The following GAK variants were observed in gnomAD, a reference collection of about 807,000 sequenced individuals.
The protein encoded by GAK is cyclin G associated kinase, also known as cyclin-G-associated kinase.
GAK carries 79 observed loss-of-function variants against 143.9 expected under a neutral mutation model. The ratio of observed to expected loss-of-function variants is 0.55; its 90% CI spans 0.46 to 0.66. The LOEUF is 0.66. Ranked by LOEUF, GAK falls within the 30% of genes least tolerant of loss-of-function variation. The pLI is 0.00. For synonymous variants in GAK, 881 were observed against 765.5 expected, an observed-to-expected ratio of 1.15 and a Z score of -2.49; for missense variants, 1,693 against 1,779.7, an observed-to-expected ratio of 0.95 and a Z score of 0.88.
chr4:887,251 C>T (rs1442867988), intron 11 of GAK: 4 of 148,252 alleles, frequency 2.7e-5, no homozygotes, highest in Admixed American at 1.3e-4. Context: ...TGTACACATG[C>T]ACGCGGCTCA....
At chr4:882,241 G>A (rs1715289161) in intron 14 of GAK, among the ~76,000 whole-genome samples, 2 of 152,232 alleles carry the variant, frequency 1.3e-5, no homozygotes, top group Admixed American at 6.5e-5. Flanking sequence ...GTTCCCTAAC[G>A]AAGAACAGGG....
intron 19 of GAK, chr4:868,914 CA>C (rs1238031385): frequency 3.7e-6 from 2 of 545,326 alleles, no homozygotes; most frequent in Non-Finnish European, 6.6e-6. Context: ...AGCACACGCA[CA>C]CATGAACACG....
chr4:850,542 G>A (rs538025950), intron 26 of GAK: 5 of 191,408 alleles, frequency 2.6e-5, no homozygotes, highest in South Asian at 2.7e-4. Flanking sequence ...CCCAGTGAGC[G>A]TCCTGGGTTG....
rs371821627 is a variant in GAK, at chr4:904,210, A to C, written c.525+427T>G. 8.2e-4 allele frequency among the ~76,000 whole-genome samples: 119 copies of C among 144,874 alleles called. 1 individual carries two copies. In the South Asian group the frequency reaches 0.023, roughly 28 times the overall value. On this transcript the variant is annotated intron_variant, in intron 5 of 27. Transcript: ENST00000314167. ...GGCCTTGGCAGCTGCGTGTGGAGGGAGCCACTACCTTGTGGTCCCTGTGGA... is the reference window on the plus strand; with the variant it reads ...GGCCTTGGCAGCTGCGTGTGGAGGGCGCCACTACCTTGTGGTCCCTGTGGA...
In GAK at chr4:883,568, C is replaced by T. The variant is rs193220162; in HGVS notation, c.1256-105G>A. 4.2e-3 allele frequency: 5,587 copies of T among 1,318,172 alleles called. 39 individuals carry two copies. The highest frequency in any genetic ancestry group is 4.1e-3 in the Non-Finnish European group (3,917 of 946,984). 81.7% of individuals were successfully genotyped at this position (1,318,172 alleles called of 1,614,324 possible). On this transcript the variant is annotated intron_variant, in intron 12 of 27. Transcript: ENST00000314167. ...GACGCCCCCGGGCAAGCGCAGCCTC[C>T]GGCAGCTCCACCAGCCACTGCCCAC...
chr4:888,859 T>C lies in GAK; in HGVS notation c.1193A>G (p.Gln398Arg). ...GCCTCACACTCACTTAGCGACGGACTGGATGACCTTGGAGGAGGTGTCCTT... is the reference window on the plus strand; with the variant it reads ...GCCTCACACTCACTTAGCGACGGACCGGATGACCTTGGAGGAGGTGTCCTT... Reference protein sequence around the residue: ...NLKDTSSKVIQSVANYAKGDL... With the variant: ...NLKDTSSKVIRSVANYAKGDL... The change falls in exon 11 of 28, where the codon CAG (glutamine) becomes CGG (arginine). Residue 398 changes from glutamine (Q) to arginine (R), a missense_variant. Physicochemically the swap from Gln to Arg is conservative, Grantham distance 43. Around this residue, in one of 2 missense-constraint regions of GAK, gnomAD observed 871 missense variants for 991.0 expected, o/e 0.88. Coordinates refer to ENST00000314167, the MANE Select transcript of GAK (RefSeq NM_005255.4). 8 of 1,607,116 alleles carry C rather than the reference T, an allele frequency of 5.0e-6. No individual in the cohort carries two copies. Among genetic ancestry groups the C allele is most frequent in the Non-Finnish European group, 5.9e-6 (7 of 1,177,634 alleles).
chr4:868,762 G>T, intron 19 of GAK, 77 bp from the exon 20 acceptor site: 2 of 1,458,630 alleles, frequency 1.4e-6, no homozygotes, highest in Non-Finnish European at 1.8e-6. Context: ...GAGCTGGGAA[G>T]TGCAGCCAGG....
intron 25 of GAK, chr4:851,342 C>T (rs929819758): frequency 1.8e-5 from 8 of 446,750 alleles, no homozygotes; most frequent in South Asian, 4.8e-5. Flanking sequence ...GCGATCTGTC[C>T]GCCTCAGCCT....
intron 11 of GAK, 136 bp downstream of exon 11, chr4:888,710 TG>T (rs1717041823): frequency 1.0e-6 from 1 of 1,003,814 alleles, no homozygotes; most frequent in African/African-American, 1.6e-5. Context: ...GAGAAGCGGG[TG>T]ATGCTGTCCC....
intron 1 of GAK, among the ~76,000 whole-genome samples, chr4:926,287 C>T (rs928397608): frequency 3.9e-5 from 6 of 152,172 alleles, no homozygotes; most frequent in Admixed American, 6.5e-5. Flanking sequence ...AAGGGTCAGC[C>T]GCAGCTGAGC....
intron 11 of GAK, chr4:884,317 G>C (rs41286655): frequency 2.8e-5 from 15 of 539,316 alleles, no homozygotes; most frequent in Non-Finnish European, 4.6e-5. Context: ...CCTGCAGCTG[G>C]TGGAGGCATG....
At chr4:898,691 G>A (rs1440556524) in intron 5 of GAK, among the ~76,000 whole-genome samples, 3 of 152,118 alleles carry the variant, frequency 2.0e-5, no homozygotes, top group Admixed American at 6.5e-5. Flanking sequence ...GTAAAACCTC[G>A]TCTCTACTAA....
intron 23 of GAK, among the ~76,000 whole-genome samples, chr4:863,211 G>T (rs906114011): frequency 6.6e-6 from 1 of 152,236 alleles, no homozygotes; most frequent in African/African-American, 2.4e-5. Flanking sequence ...AGATGTGGTG[G>T]AAACAGCAAG....
intron 5 of GAK, among the ~76,000 whole-genome samples, chr4:899,881 C>G (rs1277618299): frequency 1.3e-5 from 2 of 152,222 alleles, no homozygotes; most frequent in Admixed American, 6.5e-5. Flanking sequence ...CACCCATGGC[C>G]GACCAGAGAA....
At chr4:851,359 G>C in intron 25 of GAK, 1 of 451,746 alleles carries the variant, frequency 2.2e-6, no homozygotes, top group Non-Finnish European at 4.0e-6. Flanking sequence ...GCCTCCCAAA[G>C]TGCTGGGATT....
intron 4 of GAK, among the ~76,000 whole-genome samples, chr4:905,068 G>T (rs982567223): frequency 4.6e-5 from 7 of 152,084 alleles, no homozygotes; most frequent in Non-Finnish European, 8.8e-5. Flanking sequence ...TGACCTTCTG[G>T]TTGGCTGCTT....
At position 911,896 on chromosome 4, in the gene GAK, G is replaced by A. The variant is rs1722106829; in HGVS notation, c.268-109C>T. 1.1e-5 allele frequency: 9 copies of A among 840,642 alleles called. 1 individual carries two copies. In the Admixed American group the frequency reaches 1.2e-4, roughly 12 times the overall value. The allele number at this position is 840,642 out of a possible 1,614,324, so 52.1% of individuals were successfully genotyped here. A position where few individuals can be genotyped will look rare whatever the true frequency, so the allele number is the denominator to read the frequency against. Reference sequence around the variant, plus strand: ...ACACTGAAGTCAGAATACTTGAATCGAACCCTTACAATTTTAGACGTCAGA... The same window carrying A: ...ACACTGAAGTCAGAATACTTGAATCAAACCCTTACAATTTTAGACGTCAGA... On this transcript the variant is annotated intron_variant, in intron 3 of 27. Coordinates refer to ENST00000314167, the MANE Select transcript of GAK (RefSeq NM_005255.4).
At chr4:927,869 C>T (rs1725091839) in intron 1 of GAK, among the ~76,000 whole-genome samples, 1 of 152,188 alleles carries the variant, frequency 6.6e-6, no homozygotes, top group Admixed American at 6.5e-5. Context: ...GCTCTGGGTC[C>T]AGGAGAGGTA....
chr4:885,034 C>T (rs1488478376), intron 11 of GAK, among the ~76,000 whole-genome samples: 2 of 151,930 alleles, frequency 1.3e-5, no homozygotes, highest in Non-Finnish European at 2.9e-5. Context: ...TGCGTTCAAA[C>T]GTTTTAAAAG....
Sources: allele counts gnomAD v4.1 joint callset (sites outside exome capture counted in the v4.1 genomes callset), GRCh38; gene constraint gnomAD v4.1.1; regional missense constraint gnomAD v4.1.1; transcripts MANE v1.5; gene names NCBI Gene and HGNC (gene_info 2026-07-23, HGNC 2026-07-21).